GULP1: variants seen among roughly 807,000 people sequenced by gnomAD.
The protein encoded by GULP1 is GULP PTB domain containing engulfment adaptor 1, also known as PTB domain-containing engulfment adapter protein 1.
Under a neutral mutation model 40.9 loss-of-function variants are expected in GULP1, and 19 were observed. The observed-to-expected ratio is 0.46, with a 90% CI of 0.32 to 0.68. The LOEUF (loss-of-function observed/expected upper bound fraction) is 0.68. GULP1 is among the 30% of genes least tolerant of loss of function. GULP1 has a pLI of 0.03. For synonymous variants in GULP1, 119 were observed against 117.6 expected (o/e 1.01, Z -0.08); for missense variants, 312 against 362.2 (o/e 0.86, Z 1.12).
At chr2:188,476,807 C>T (rs1401144504) in intron 2 of GULP1, among the ~76,000 whole-genome samples, 1 of 152,144 alleles carries the variant, frequency 6.6e-6, no homozygotes, top group African/African-American at 2.4e-5. Flanking sequence ...AATGCAGTAC[C>T]AATAAATATT....
chr2:188,594,071 T>C lies in GULP1; in HGVS notation c.*60T>C. ...GTGTTTGTATACACATGTCATTTAT[T>C]ATTATTACTTTAAGATAGGTATTAT... is the stretch of plus-strand genomic sequence containing the variant. On this transcript the variant is annotated 3_prime_UTR_variant, in exon 12 of 12. Coordinates refer to ENST00000409830, the MANE Select transcript of GULP1 (RefSeq NM_016315.4). 3.5e-6 allele frequency: 3 copies of C among 868,524 alleles called. No homozygotes were observed. Among genetic ancestry groups the C allele is most frequent in the Admixed American group, 1.9e-5 (1 of 52,868 alleles). 53.8% of individuals were successfully genotyped at this position (868,524 alleles called of 1,614,324 possible).
intron 2 of GULP1, among the ~76,000 whole-genome samples, chr2:188,463,883 T>A (rs2059911228): frequency 6.6e-6 from 1 of 152,210 alleles, no homozygotes; most frequent in Non-Finnish European, 1.5e-5. Context: ...TTTTTTAAAT[T>A]TATCTGATAG....
chr2:188,497,593 G>A (rs2063026738), intron 4 of GULP1, among the ~76,000 whole-genome samples: 1 of 151,910 alleles, frequency 6.6e-6, no homozygotes, highest in Non-Finnish European at 1.5e-5. Context: ...TAAGAGGCAA[G>A]TTTGCAATCT....
intron 2 of GULP1, among the ~76,000 whole-genome samples, chr2:188,384,970 A>G (rs2049490788): frequency 6.6e-6 from 1 of 152,004 alleles, no homozygotes; most frequent in Admixed American, 6.5e-5. Context: ...GCTGACATTG[A>G]GTGTCTGAGT....
intron 7 of GULP1, among the ~76,000 whole-genome samples, chr2:188,551,830 A>G (rs1367453396): frequency 6.6e-6 from 1 of 151,812 alleles, no homozygotes; most frequent in Non-Finnish European, 1.5e-5. Flanking sequence ...CATCCTCGCC[A>G]ACCTCTGTTA....
At chr2:188,580,293 C>T (rs921636380) in intron 9 of GULP1, among the ~76,000 whole-genome samples, 1 of 152,162 alleles carries the variant, frequency 6.6e-6, no homozygotes, top group Non-Finnish European at 1.5e-5. Context: ...GTGGCTCACG[C>T]CTGTAATCCC....
Position 188,368,910 on chromosome 2 carries a change from A to AAT in GULP1, c.-171-14842_-171-14841dup, listed in dbSNP as rs374984039. Among the ~76,000 whole-genome samples, 326 of 112,022 alleles carry AAT rather than the reference A, an allele frequency of 2.9e-3. 5 individuals carry two copies. Among genetic ancestry groups the AAT allele is most frequent in the Middle Eastern group, 9.3e-3 (2 of 214 alleles). 73.5% of individuals were successfully genotyped at this position (112,022 alleles called of 152,430 possible). Reference sequence around the variant, plus strand: ...TCTTTGAGAGTGTATTAATAGATAGAATATATATATATGTATATATATATG... The same window carrying AAT: ...TCTTTGAGAGTGTATTAATAGATAGAATATATATATATATGTATATATATATG... On this transcript the variant is annotated intron_variant, in intron 1 of 11. Transcript: ENST00000409830.
At chr2:188,399,344 A>G (rs1009998187) in intron 2 of GULP1, among the ~76,000 whole-genome samples, 1 of 151,968 alleles carries the variant, frequency 6.6e-6, no homozygotes, top group Non-Finnish European at 1.5e-5. Context: ...TTCCTCTCAC[A>G]CTCACAAAGG....
At chr2:188,422,023 C>G (rs2055494854) in intron 2 of GULP1, among the ~76,000 whole-genome samples, 1 of 149,956 alleles carries the variant, frequency 6.7e-6, no homozygotes, top group African/African-American at 2.4e-5. Flanking sequence ...TGTTAAAAAT[C>G]CAAAATTAAA....
chr2:188,368,646 A>G (rs924332944), intron 1 of GULP1, among the ~76,000 whole-genome samples: 18 of 151,944 alleles, frequency 1.2e-4, no homozygotes, highest in Non-Finnish European at 5.9e-5. Flanking sequence ...TGTTTTCAGT[A>G]TAACAAAGAA....
chr2:188,438,484 T>C (rs1388637951), intron 2 of GULP1, among the ~76,000 whole-genome samples: 1 of 150,904 alleles, frequency 6.6e-6, no homozygotes, highest in African/African-American at 2.4e-5. Context: ...TATATTAACA[T>C]AACAATTATT....
chr2:188,468,160 ACTGT>A (rs1307259671), intron 2 of GULP1, among the ~76,000 whole-genome samples: 1 of 152,072 alleles, frequency 6.6e-6, no homozygotes, highest in Admixed American at 6.6e-5. Context: ...GTTTAGTAGA[ACTGT>A]CTGTCAGAGA....
At chr2:188,487,667 C>T (rs2061979248) in intron 4 of GULP1, among the ~76,000 whole-genome samples, 2 of 151,766 alleles carry the variant, frequency 1.3e-5, no homozygotes, top group South Asian at 4.2e-4. Flanking sequence ...CTTTCAAAAC[C>T]ATGTCAGGGA....
chr2:188,310,852 T>A (rs2106341417), intron 1 of GULP1, among the ~76,000 whole-genome samples: 1 of 152,304 alleles, frequency 6.6e-6, no homozygotes, highest in East Asian at 1.9e-4. Flanking sequence ...AGGAGGAAGC[T>A]AATAGAGATC....
intron 2 of GULP1, among the ~76,000 whole-genome samples, chr2:188,404,515 C>T (rs535188646): frequency 4.5e-4 from 68 of 152,218 alleles, no homozygotes; most frequent in African/African-American, 1.4e-3. Flanking sequence ...CCCAGGAAAA[C>T]CCAGTGTTGG....
At chr2:188,563,524 T>C (rs2153417351) in intron 7 of GULP1, among the ~76,000 whole-genome samples, 1 of 149,504 alleles carries the variant, frequency 6.7e-6, no homozygotes, top group Admixed American at 6.7e-5. Context: ...GTAATTTATA[T>C]TTATATTTTT....
At chr2:188,543,763 A>G (rs1210746587) in intron 7 of GULP1, among the ~76,000 whole-genome samples, 9 of 152,176 alleles carry the variant, frequency 5.9e-5, no homozygotes, top group Admixed American at 5.9e-4. Context: ...TCTTATTGCT[A>G]CATTTATCTC....
At chr2:188,560,415 T>C (rs1355320324) in intron 7 of GULP1, among the ~76,000 whole-genome samples, 3 of 152,244 alleles carry the variant, frequency 2.0e-5, no homozygotes, top group Non-Finnish European at 2.9e-5. Flanking sequence ...TACATCACTA[T>C]TGGCATTTTG....
chr2:188,562,699 C>T (rs920998054), intron 7 of GULP1, among the ~76,000 whole-genome samples: 39 of 151,988 alleles, frequency 2.6e-4, no homozygotes, highest in Admixed American at 1.2e-3. Flanking sequence ...CTTTAATAGA[C>T]GTGAATAGAA....
Sources: allele counts gnomAD v4.1 joint callset (sites outside exome capture counted in the v4.1 genomes callset), GRCh38; gene constraint gnomAD v4.1.1; transcripts MANE v1.5; gene names NCBI Gene and HGNC (gene_info 2026-07-23, HGNC 2026-07-21).